CAV1: variants seen among roughly 807,000 people sequenced by gnomAD.
The protein encoded by CAV1 is caveolin-1.
Under a neutral mutation model 16.5 loss-of-function variants are expected in CAV1, and 10 were observed. The ratio of observed to expected loss-of-function variants is 0.61; its 90% confidence interval spans 0.37 to 1.03. The LOEUF (loss-of-function observed/expected upper bound fraction) is 1.03. Ranked by LOEUF, CAV1 falls within the 50% of genes least tolerant of loss-of-function variation. The pLI, the probability that CAV1 is intolerant of heterozygous loss-of-function variation, is 0.01. For missense variants in CAV1, 212 were observed against 232.8 expected, an observed-to-expected ratio of 0.91 and a Z score of 0.58; for synonymous variants, 76 against 85.1, an observed-to-expected ratio of 0.89 and a Z score of 0.59.
intron 2 of CAV1, among the ~76,000 whole-genome samples, chr7:116,533,157 C>T (rs113492076): frequency 1.1e-4 from 17 of 151,986 alleles, no homozygotes; most frequent in East Asian, 5.8e-4. Context: ...CTGGCCAACA[C>T]GGTGAAACCC....
intron 2 of CAV1, among the ~76,000 whole-genome samples, chr7:116,536,171 A>G (rs1463859563): frequency 7.2e-5 from 11 of 152,138 alleles, no homozygotes; most frequent in Non-Finnish European, 4.4e-5. Flanking sequence ...GGAGATTGGG[A>G]GGACAAGAAG....
intron 1 of CAV1, chr7:116,525,499 G>A (rs1341108433): frequency 2.8e-5 from 36 of 1,266,700 alleles, no homozygotes; most frequent in Non-Finnish European, 3.6e-5. Context: ...CGAGTCCTGG[G>A]GACAGTCCCC....
chr7:116,525,651 T>A lies in CAV1; in HGVS notation c.30+559T>A. The A allele has an allele frequency of 5.5e-6, 6 of 1,084,580 alleles. No homozygotes were observed. The South Asian group carries it at 8.8e-5, about 16-fold the overall frequency. The allele number at this position is 1,084,580 out of a possible 1,614,324, so 67.2% of individuals were successfully genotyped here. A position where few individuals can be genotyped will look rare whatever the true frequency, so the allele number is the denominator to read the frequency against. On this transcript the variant is annotated intron_variant, in intron 1 of 2. Coordinates refer to ENST00000341049, the MANE Select transcript of CAV1 (RefSeq NM_001753.5). ...AGGGGTGTTCCGAGAGAGGTAGACC[T>A]CCCCTCCCCAAACTGCCACCATCAC...
chr7:116,555,542 G>GAA (rs869307797), intron 2 of CAV1, among the ~76,000 whole-genome samples: 36 of 12,144 alleles, frequency 3.0e-3, no homozygotes, highest in South Asian at 4.9e-3. Flanking sequence ...GAGAGAGAGA[G>GAA]AGAAAGAAAG....
chr7:116,531,827 T>C (rs1793691573), intron 2 of CAV1, among the ~76,000 whole-genome samples: 1 of 152,222 alleles, frequency 6.6e-6, no homozygotes, highest in South Asian at 2.1e-4. Context: ...ATTGATATTC[T>C]ACCATGTATG....
At position 116,559,317 on chromosome 7, in the gene CAV1, A is replaced by AT. The variant is rs759347653; in HGVS notation, c.*38dup. 2.6e-5 allele frequency: 40 copies of AT among 1,560,042 alleles called. No individual in the cohort carries two copies. The highest frequency in any genetic ancestry group is 6.7e-5 in the Admixed American group (4 of 59,668). On this transcript the variant is annotated 3_prime_UTR_variant, in exon 3 of 3. Coordinates refer to ENST00000341049, the MANE Select transcript of CAV1 (RefSeq NM_001753.5). ...CATTTCAAGGATAGAAGTATACCTG[A>AT]TTTTTTTTCCTTTTAATTTTCCTGG...
intron 2 of CAV1, among the ~76,000 whole-genome samples, chr7:116,549,430 C>T (rs1461358869): frequency 2.6e-5 from 4 of 152,202 alleles, no homozygotes; most frequent in African/African-American, 9.6e-5. Context: ...TGTCAGTGGG[C>T]TTTCCATGCT....
At chr7:116,555,225 T>C (rs1320266221) in intron 2 of CAV1, among the ~76,000 whole-genome samples, 1 of 151,886 alleles carries the variant, frequency 6.6e-6, no homozygotes, top group Admixed American at 6.6e-5. Context: ...GGAGAACTGC[T>C]TGAGCTCAGG....
intron 1 of CAV1, chr7:116,525,357 T>G: frequency 6.5e-7 from 1 of 1,538,840 alleles, no homozygotes; most frequent in Non-Finnish European, 8.8e-7. Flanking sequence ...GGTCCTGAGA[T>G]TGGGTCTGTT....
At chr7:116,538,375 G>A (rs1415427237) in intron 2 of CAV1, among the ~76,000 whole-genome samples, 1 of 152,194 alleles carries the variant, frequency 6.6e-6, no homozygotes, top group Non-Finnish European at 1.5e-5. Flanking sequence ...CAATTAAAAT[G>A]TCTCAGCAAT....
chr7:116,539,371 C>T (rs187297445), intron 2 of CAV1, among the ~76,000 whole-genome samples: 2 of 152,188 alleles, frequency 1.3e-5, no homozygotes, highest in East Asian at 1.9e-4. Context: ...CTGCCCAGTG[C>T]CCCATGCAGA....
chr7:116,544,808 A>G (rs1584778392), intron 2 of CAV1, among the ~76,000 whole-genome samples: 1 of 152,336 alleles, frequency 6.6e-6, no homozygotes, highest in South Asian at 2.1e-4. Flanking sequence ...TAAGTGCACC[A>G]TAGAAGGAAA....
intron 2 of CAV1, among the ~76,000 whole-genome samples, chr7:116,552,529 T>G (rs1368495116): frequency 1.3e-5 from 2 of 152,196 alleles, no homozygotes; most frequent in African/African-American, 4.8e-5. Context: ...CTAAGTCACA[T>G]AAGCAAAAGT....
intron 1 of CAV1, chr7:116,526,157 C>A (rs774778149): frequency 2.2e-6 from 1 of 454,404 alleles, no homozygotes. Context: ...GCGGCTGCCC[C>A]CTCGCCGCCG....
intron 2 of CAV1, among the ~76,000 whole-genome samples, chr7:116,543,684 G>C (rs971835955): frequency 6.6e-6 from 1 of 152,166 alleles, no homozygotes; most frequent in East Asian, 1.9e-4. Flanking sequence ...ACATGACAGA[G>C]AAGTGCATAA....
intron 2 of CAV1, among the ~76,000 whole-genome samples, chr7:116,531,913 G>A (rs1793693431): frequency 6.6e-6 from 1 of 152,134 alleles, no homozygotes; most frequent in South Asian, 2.1e-4. Flanking sequence ...ATTGTTCTCA[G>A]AATACTGAGC....
intron 1 of CAV1, chr7:116,525,609 G>C (rs1425299209): frequency 8.7e-7 from 1 of 1,145,406 alleles, no homozygotes; most frequent in Non-Finnish European, 1.1e-6. Context: ...AACTCCTTCT[G>C]CATCTTGGCG....
chr7:116,558,996 C>T lies in CAV1; in HGVS notation c.246C>T (p.Asp82=), dbSNP rs35242077. 4.5e-4 allele frequency: 725 copies of T among 1,613,814 alleles called. 8 individuals are homozygous for T. The East Asian group carries it at 0.014, about 32-fold the overall frequency. The change falls in exon 3 of 3, where the codon GAC becomes GAT. Residue 82 remains aspartate, a synonymous_variant. Coordinates refer to ENST00000341049, the MANE Select transcript of CAV1 (RefSeq NM_001753.5). ...AACCAGAAGGGACACACAGTTTTGACGGCATTTGGAAGGCCAGCTTCACCA... is the reference window on the plus strand; with the variant it reads ...AACCAGAAGGGACACACAGTTTTGATGGCATTTGGAAGGCCAGCTTCACCA... ...IAEPEGTHSF[D]GIWKASFTTF...
At chr7:116,541,004 C>A (rs1439001330) in intron 2 of CAV1, among the ~76,000 whole-genome samples, 1 of 152,128 alleles carries the variant, frequency 6.6e-6, no homozygotes, top group Non-Finnish European at 1.5e-5. Context: ...ACATGCCATA[C>A]CTCCTTGAGT....
Sources: allele counts gnomAD v4.1 joint callset (sites outside exome capture counted in the v4.1 genomes callset), GRCh38; gene constraint gnomAD v4.1.1; transcripts MANE v1.5; gene names NCBI Gene and HGNC (gene_info 2026-07-23, HGNC 2026-07-21).